Variants in ADAM23 observed in about 807,000 individuals in gnomAD.
ADAM23 encodes disintegrin and metalloproteinase domain-containing protein 23.
Under a neutral mutation model 120.1 loss-of-function variants are expected in ADAM23, and 33 were observed. That is an observed-to-expected ratio of 0.27 (90% CI 0.21 to 0.37). The LOEUF is 0.37. Ranked by LOEUF, ADAM23 falls within the 10% of genes least tolerant of loss-of-function variation. ADAM23 has a pLI of 1.00. For missense variants in ADAM23, 862 were observed against 1,058.2 expected, an observed-to-expected ratio of 0.81 and a Z score of 2.57; for synonymous variants, 367 against 375.2, an observed-to-expected ratio of 0.98 and a Z score of 0.25.
rs1217850271 is a variant in ADAM23 at position 206,481,253 on chromosome 2, A to G, written c.454A>G (p.Ser152Gly). ...HNKAVHLAQA[S>G]FQIEAFGSKF... ...ATAGGCTGTCCATCTGGCCCAGGCAAGCTTCCAGATTGAAGCCTTCGGCTC... is the reference window on the plus strand; with the variant it reads ...ATAGGCTGTCCATCTGGCCCAGGCAGGCTTCCAGATTGAAGCCTTCGGCTC... The change falls in exon 3 of 26, where the codon AGC (serine) becomes GGC (glycine). Residue 152 changes from serine (S) to glycine (G), a missense_variant. Physicochemically the swap from Ser to Gly is moderately conservative, Grantham distance 56. Coordinates refer to ENST00000264377, the MANE Select transcript of ADAM23 (RefSeq NM_003812.4). 3.1e-6 allele frequency: 5 copies of G among 1,610,578 alleles called. No homozygotes were observed. The highest frequency in any genetic ancestry group is 3.3e-4 in the Middle Eastern group (2 of 6,062).
chr2:206,448,827 C>G (rs1695134863), intron 2 of ADAM23, among the ~76,000 whole-genome samples: 1 of 152,166 alleles, frequency 6.6e-6, no homozygotes, highest in African/African-American at 2.4e-5. Flanking sequence ...CCATCTGGCT[C>G]TTCATCTGTA....
intron 18 of ADAM23, among the ~76,000 whole-genome samples, chr2:206,574,876 A>T: frequency 6.6e-6 from 1 of 152,168 alleles, no homozygotes; most frequent in East Asian, 1.9e-4. Context: ...ATTTATACAT[A>T]TTATGTCTTT....
rs1365309965 is a variant in ADAM23 at position 206,561,219 on chromosome 2, T to A, written c.1254+7T>A. 5.6e-6 allele frequency: 9 copies of A among 1,611,664 alleles called. No individual in the cohort carries two copies. The Admixed American group carries it at 1.5e-4, about 27-fold the overall frequency. On this transcript the variant is annotated splice_region_variant and intron_variant, in intron 12 of 25. Transcript: ENST00000264377. ...AGGAGTTGGTGTGAATGAGGTAAAT[T>A]TTACCAATTAGAGTTTCATCTTTGC...
chr2:206,570,871 A>C (rs180876067), intron 16 of ADAM23, 60 bp downstream of exon 16: 1 of 1,430,470 alleles, frequency 7.0e-7, no homozygotes, highest in Non-Finnish European at 9.8e-7. Flanking sequence ...AAACAGGTAT[A>C]GCATTTGTGA....
intron 3 of ADAM23, among the ~76,000 whole-genome samples, chr2:206,493,989 C>T (rs1021884808): frequency 1.3e-5 from 2 of 152,096 alleles, no homozygotes; most frequent in African/African-American, 4.8e-5. Flanking sequence ...AGATAATGGA[C>T]AGATAAAAAT....
rs540679852 is a variant in ADAM23 at position 206,566,691 on chromosome 2, T to C, written c.1395-532T>C. Among the ~76,000 whole-genome samples the C allele has an allele frequency of 9.8e-5, 15 of 152,318 alleles. No homozygotes were observed. The South Asian group carries it at 3.1e-3, about 32-fold the overall frequency. On this transcript the variant is annotated intron_variant, in intron 14 of 25. Coordinates refer to ENST00000264377, the MANE Select transcript of ADAM23 (RefSeq NM_003812.4). The stretch of plus-strand genomic sequence containing the variant: ...TATACATACTAAAAACATACGTGCA[T>C]ATACATATATGATCTAACACACCTC...
At position 206,592,748 on chromosome 2, in the gene ADAM23, A is replaced by G; in HGVS notation, c.2078+12A>G. The G allele has an allele frequency of 6.2e-7, 1 of 1,613,596 alleles. No individual in the cohort carries two copies. The highest frequency in any genetic ancestry group is 8.5e-7 in the Non-Finnish European group (1 of 1,179,724). ...GTGATTGACTGCAGGTAACATATTA[A>G]ATATTAGAAGACCTAATAAGCCATG... On this transcript the variant is annotated intron_variant, in intron 22 of 25. Transcript: ENST00000264377.
chr2:206,496,753 A>G (rs1696257906), intron 3 of ADAM23, among the ~76,000 whole-genome samples: 2 of 152,244 alleles, frequency 1.3e-5, no homozygotes, highest in African/African-American at 4.8e-5. Flanking sequence ...ATAGACTGCT[A>G]GCAAGACTAA....
chr2:206,557,926 A>T (rs939354297), intron 10 of ADAM23, among the ~76,000 whole-genome samples: 4 of 152,292 alleles, frequency 2.6e-5, no homozygotes, highest in African/African-American at 9.6e-5. Flanking sequence ...ACCAAAAAAA[A>T]TTTTTTTAAG....
At chr2:206,599,270 C>T (rs942881858) in intron 24 of ADAM23, among the ~76,000 whole-genome samples, 2 of 150,494 alleles carry the variant, frequency 1.3e-5, no homozygotes, top group Admixed American at 1.3e-4. Context: ...TTTCTTTTTC[C>T]ATTTTTAATG....
rs1215317277 is a variant in ADAM23 at position 206,617,968 on chromosome 2, A to G, written c.*341A>G. On this transcript the variant is annotated 3_prime_UTR_variant, in exon 26 of 26. Coordinates refer to ENST00000264377, the MANE Select transcript of ADAM23 (RefSeq NM_003812.4). The stretch of plus-strand genomic sequence containing the variant: ...AAGGAATCATTAAAAAAAATAGTAA[A>G]TGATTTTTTTTCCCTCAGCCTGCTG... The G allele has an allele frequency of 4.7e-6, 1 of 212,764 alleles. No individual in the cohort carries two copies. Among genetic ancestry groups the G allele is most frequent in the African/African-American group, 2.3e-5 (1 of 43,368 alleles). 13.2% of individuals were successfully genotyped at this position (212,764 alleles called of 1,614,324 possible). A position where few individuals can be genotyped will look rare whatever the true frequency, so the allele number is the denominator to read the frequency against.
chr2:206,485,117 C>T (rs889040481), intron 3 of ADAM23, among the ~76,000 whole-genome samples: 5 of 152,110 alleles, frequency 3.3e-5, no homozygotes, highest in Admixed American at 1.3e-4. Context: ...CCCATGCTGT[C>T]CTGAGCTTTC....
chr2:206,536,925 C>T (rs551401697), intron 4 of ADAM23, among the ~76,000 whole-genome samples: 21 of 152,094 alleles, frequency 1.4e-4, no homozygotes, highest in African/African-American at 4.3e-4. Context: ...AGGCTGGTCT[C>T]GAACTCCTGA....
chr2:206,599,658 ACTGT>A (rs1267425662), intron 24 of ADAM23, among the ~76,000 whole-genome samples: 1 of 152,220 alleles, frequency 6.6e-6, no homozygotes, highest in Non-Finnish European at 1.5e-5. Context: ...ATATTTATTG[ACTGT>A]CTACTATTTA....
intron 2 of ADAM23, among the ~76,000 whole-genome samples, chr2:206,473,240 C>G (rs1217385046): frequency 3.9e-5 from 6 of 152,234 alleles, no homozygotes; most frequent in South Asian, 2.1e-4. Context: ...CTTATTAACA[C>G]TTTATAATTT....
chr2:206,475,523 C>T (rs1384182044), intron 2 of ADAM23, among the ~76,000 whole-genome samples: 1 of 151,394 alleles, frequency 6.6e-6, no homozygotes, highest in African/African-American at 2.4e-5. Context: ...ACATTTTATT[C>T]TCATTGATAT....
intron 2 of ADAM23, among the ~76,000 whole-genome samples, chr2:206,469,083 C>T (rs571356300): frequency 6.6e-6 from 1 of 152,318 alleles, no homozygotes; most frequent in South Asian, 2.1e-4. Flanking sequence ...TCACCTCCTA[C>T]TAGACCCCAC....
intron 2 of ADAM23, among the ~76,000 whole-genome samples, chr2:206,457,147 TC>T (rs1224258581): frequency 6.6e-6 from 1 of 152,226 alleles, no homozygotes; most frequent in Non-Finnish European, 1.5e-5. Context: ...AGCTCAACTC[TC>T]CAATGCATTG....
chr2:206,493,644 T>C (rs1696178207), intron 3 of ADAM23, among the ~76,000 whole-genome samples: 1 of 152,242 alleles, frequency 6.6e-6, no homozygotes, highest in African/African-American at 2.4e-5. Flanking sequence ...AGTGCTGGGA[T>C]TACAGGCGTG....
Sources: gnomAD v4.1 joint callset for allele counts (sites outside exome capture counted in the v4.1 genomes callset) on GRCh38, gnomAD v4.1.1 for gene constraint, MANE v1.5 for transcripts, NCBI Gene and HGNC (gene_info 2026-07-23, HGNC 2026-07-21) for gene names.